The following TBC1D5 variants were observed in gnomAD, a reference collection of about 807,000 sequenced individuals.
TBC1D5 encodes the protein TBC1 domain family member 5, also known as TBC1 domain family, member 5.
TBC1D5 carries 75 observed loss-of-function variants against 100.3 expected under a neutral mutation model. The ratio of observed to expected loss-of-function variants is 0.75; its 90% confidence interval spans 0.62 to 0.91. TBC1D5 has a LOEUF of 0.91. Among genes scored for constraint, TBC1D5 ranks in the 40% least tolerant of loss-of-function variants. TBC1D5 has a pLI of 0.00. For synonymous variants in TBC1D5, 323 were observed against 325.6 expected (o/e 0.99, Z 0.09); for missense variants, 910 against 942.4 (o/e 0.97, Z 0.45).
chr3:17,303,534 A>C (rs2083074381), intron 14 of TBC1D5, among the ~76,000 whole-genome samples: 1 of 152,154 alleles, frequency 6.6e-6, no homozygotes, highest in African/African-American at 2.4e-5. Flanking sequence ...GTAAAACCCC[A>C]GTTTCCTCAC....
At chr3:17,500,505 C>T (rs1435940239) in intron 3 of TBC1D5, among the ~76,000 whole-genome samples, 1 of 149,632 alleles carries the variant, frequency 6.7e-6, no homozygotes, top group Non-Finnish European at 1.5e-5. Context: ...CCTGTGCCTC[C>T]ATCCACTCAA....
intron 16 of TBC1D5, among the ~76,000 whole-genome samples, chr3:17,245,817 CTATTTGAATTAT>C (rs1376656314): frequency 8.5e-5 from 13 of 152,094 alleles, no homozygotes; most frequent in Non-Finnish European, 1.8e-4. Flanking sequence ...TTTATTTGAA[CTATTTGAATTAT>C]TATTTGAATT....
At chr3:17,415,752 T>C (rs1187483778) in intron 4 of TBC1D5, among the ~76,000 whole-genome samples, 2 of 152,200 alleles carry the variant, frequency 1.3e-5, no homozygotes, top group Non-Finnish European at 1.5e-5. Flanking sequence ...TGAAGTTGTC[T>C]GGAGTAAGTA....
In TBC1D5 at chr3:17,161,154, C is replaced by T. The variant is rs149948648; in HGVS notation, c.2197G>A (p.Gly733Ser). The change falls in exon 22 of 22, where the codon GGC (glycine) becomes AGC (serine). Residue 733 changes from glycine to serine, a missense_variant. Gly to Ser is a moderately conservative substitution (Grantham distance 56). Coordinates refer to ENST00000253692, the Ensembl canonical transcript of TBC1D5. ...AGGGTGCGAAGAGGCTGGGCCTGGC[C>T]GGAGAAGGAGCCCCTGGCACTGCTC... The T allele has an allele frequency of 9.8e-4, 1,579 of 1,614,158 alleles. 4 individuals are homozygous for T. The highest frequency in any genetic ancestry group is 6.8e-3 in the South Asian group (615 of 91,086).
At chr3:17,620,803 G>A (rs981221384) in intron 2 of TBC1D5, among the ~76,000 whole-genome samples, 4 of 151,918 alleles carry the variant, frequency 2.6e-5, no homozygotes, top group Non-Finnish European at 5.9e-5. Flanking sequence ...AAGAAAGGGG[G>A]CACAAAAGCT....
intron 17 of TBC1D5, among the ~76,000 whole-genome samples, chr3:17,224,598 GAACA>G (rs147976296): frequency 0.012 from 1,875 of 152,210 alleles, 32 homozygotes; most frequent in African/African-American, 0.043. Context: ...ATAAACTAAC[GAACA>G]GTCAAATTTT....
chr3:17,397,109 A>G (rs114483162), intron 8 of TBC1D5, among the ~76,000 whole-genome samples: 2,378 of 152,208 alleles, frequency 0.016, 34 homozygotes, highest in Non-Finnish European at 0.025. Context: ...TCTACCAAAC[A>G]GTACAGCACA....
At chr3:17,586,298 G>A (rs1266515193) in intron 2 of TBC1D5, 5 of 152,118 alleles carry the variant, frequency 3.3e-5, no homozygotes, top group Admixed American at 6.5e-5. Context: ...ACTATGGTAA[G>A]GGTATTGAGA....
chr3:17,572,067 C>T (rs1258882500), intron 2 of TBC1D5, among the ~76,000 whole-genome samples: 1 of 152,038 alleles, frequency 6.6e-6, no homozygotes, highest in Non-Finnish European at 1.5e-5. Context: ...AACAGCATTG[C>T]AGTCTGAGGT....
intron 8 of TBC1D5, among the ~76,000 whole-genome samples, chr3:17,394,064 G>A (rs1397173260): frequency 6.6e-6 from 1 of 152,020 alleles, no homozygotes; most frequent in Non-Finnish European, 1.5e-5. Flanking sequence ...TAGAGATCAG[G>A]GATCTGCTAA....
At chr3:17,567,572 T>C (rs951943722) in intron 2 of TBC1D5, among the ~76,000 whole-genome samples, 22 of 151,736 alleles carry the variant, frequency 1.4e-4, no homozygotes, top group Non-Finnish European at 2.8e-4. Flanking sequence ...AATACATTAA[T>C]ACAGATATGT....
At chr3:17,160,716 G>A (rs1326592571) in exon 22 of TBC1D5, 2 of 501,696 alleles carry the variant, frequency 4.0e-6, no homozygotes, top group Non-Finnish European at 7.1e-6. Flanking sequence ...CTAACTCAGA[G>A]CAAGAGTCGG....
At chr3:17,392,309 A>G (rs959683572) in intron 8 of TBC1D5, among the ~76,000 whole-genome samples, 1 of 152,118 alleles carries the variant, frequency 6.6e-6, no homozygotes, top group Non-Finnish European at 1.5e-5. Flanking sequence ...AATAGGGTCC[A>G]GTCTTATGCT....
rs1176079885 is a variant in TBC1D5, at chr3:17,503,241, A to C, written c.97+5233T>G. Among the ~76,000 whole-genome samples the C allele has an allele frequency of 2.5e-4, 37 of 149,514 alleles. 5 individuals carry two copies. Among genetic ancestry groups the C allele is most frequent in the African/African-American group, 8.9e-4 (35 of 39,342 alleles). Reference sequence around the variant, plus strand: ...TAGCAGAGGGCAAGCTCATAGCATAAACTCTTTACAATCATCTGGCTAACA... The same window carrying C: ...TAGCAGAGGGCAAGCTCATAGCATACACTCTTTACAATCATCTGGCTAACA... On this transcript the variant is annotated intron_variant, in intron 3 of 21. Transcript: ENST00000253692.
intron 16 of TBC1D5, among the ~76,000 whole-genome samples, chr3:17,253,491 G>C (rs537022623): frequency 6.6e-6 from 1 of 152,130 alleles, no homozygotes; most frequent in East Asian, 1.9e-4. Flanking sequence ...ACAAAACTTA[G>C]GTATAATTTA....
chr3:17,331,386 A>G (rs985087369), intron 13 of TBC1D5, among the ~76,000 whole-genome samples: 1 of 152,196 alleles, frequency 6.6e-6, no homozygotes, highest in African/African-American at 2.4e-5. Context: ...ACAATATATG[A>G]CAACTCTCTT....
At chr3:17,536,334 T>C (rs1372822266) in intron 2 of TBC1D5, among the ~76,000 whole-genome samples, 31 of 152,332 alleles carry the variant, frequency 2.0e-4, no homozygotes, top group Admixed American at 1.8e-3. Flanking sequence ...AAGAAGGTGA[T>C]TTGAAAATAG....
chr3:17,272,715 AG>A (rs2079558869), intron 15 of TBC1D5, among the ~76,000 whole-genome samples: 1 of 152,200 alleles, frequency 6.6e-6, no homozygotes, highest in Non-Finnish European at 1.5e-5. Context: ...ACATACCATA[AG>A]GGTTCATGAA....
intron 2 of TBC1D5, among the ~76,000 whole-genome samples, chr3:17,553,245 C>T (rs1050957980): frequency 6.6e-6 from 1 of 152,096 alleles, no homozygotes; most frequent in Admixed American, 6.6e-5. Context: ...TTAGCCAATG[C>T]CGTAAGAACT....
Sources: gnomAD v4.1 joint callset for allele counts (sites outside exome capture counted in the v4.1 genomes callset) on GRCh38, gnomAD v4.1.1 for gene constraint, MANE v1.5 for transcripts, NCBI Gene and HGNC (gene_info 2026-07-23, HGNC 2026-07-21) for gene names.